The following JAKMIP3 variants were observed in gnomAD, a reference collection of about 807,000 sequenced individuals.
JAKMIP3 encodes Janus kinase and microtubule interacting protein 3.
Under a neutral mutation model 118.5 loss-of-function variants are expected in JAKMIP3, and 58 were observed. That is an observed-to-expected ratio of 0.49 (90% CI 0.40 to 0.61). The LOEUF (loss-of-function observed/expected upper bound fraction) is 0.61, where lower values mean the gene tolerates loss of function less well. Ranked by LOEUF, JAKMIP3 falls within the 20% of genes least tolerant of loss-of-function variation. The probability of loss-of-function intolerance (pLI) is 0.00; values close to 1 mark genes in which losing one functional copy is unlikely to be tolerated. For missense variants in JAKMIP3, 950 were observed against 1,109.0 expected, an observed-to-expected ratio of 0.86 and a Z score of 2.04; for synonymous variants, 486 against 451.2, an observed-to-expected ratio of 1.08 and a Z score of -0.98.
chr10:132,114,172 A>G (rs1402552854), intron 2 of JAKMIP3, among the ~76,000 whole-genome samples: 2 of 152,238 alleles, frequency 1.3e-5, no homozygotes, highest in Admixed American at 6.5e-5. Flanking sequence ...TACCCGACTG[A>G]TGAGAAACAA....
chr10:132,143,673 G>A (rs45609445), intron 11 of JAKMIP3: 30,284 of 152,158 alleles, frequency 0.2, 3,138 homozygotes, highest in East Asian at 0.31. Flanking sequence ...GCATCCCACA[G>A]TCTGATTCTG....
intron 1 of JAKMIP3, among the ~76,000 whole-genome samples, chr10:132,052,732 T>G (rs1366332370): frequency 3.3e-5 from 5 of 152,216 alleles, no homozygotes; most frequent in Non-Finnish European, 7.3e-5. Context: ...GTGTTCTTTT[T>G]ATTCAAATTT....
intron 23 of JAKMIP3, among the ~76,000 whole-genome samples, chr10:132,174,093 G>T (rs1199645306): frequency 2.0e-5 from 3 of 151,584 alleles, no homozygotes; most frequent in Admixed American, 2.0e-4. Context: ...TGTGCTTGTG[G>T]TGGTGTGTTT....
At chr10:132,150,857 C>T (rs1472024898) in intron 16 of JAKMIP3, among the ~76,000 whole-genome samples, 3 of 152,094 alleles carry the variant, frequency 2.0e-5, no homozygotes, top group Admixed American at 1.3e-4. Flanking sequence ...CTCCATAATC[C>T]ATCTATCCAT....
At chr10:132,159,595 C>CCTCTTCCTGTGTG (rs2057670349) in intron 19 of JAKMIP3, among the ~76,000 whole-genome samples, 4 of 75,254 alleles carry the variant, frequency 5.3e-5, no homozygotes, top group Non-Finnish European at 2.6e-5. Flanking sequence ...ATGCTGGGGG[C>CCTCTTCCTGTGTG]ATGTCTTCCT....
intron 1 of JAKMIP3, among the ~76,000 whole-genome samples, chr10:132,074,354 A>AT (rs1349881304): frequency 2.6e-5 from 4 of 152,204 alleles, no homozygotes; most frequent in East Asian, 1.9e-4. Flanking sequence ...ACCTGGCCCC[A>AT]TTTTTTGACT....
At chr10:132,072,686 C>A (rs553837215) in intron 1 of JAKMIP3, among the ~76,000 whole-genome samples, 1 of 152,274 alleles carries the variant, frequency 6.6e-6, no homozygotes, top group South Asian at 2.1e-4. Context: ...TTCTTGCCTT[C>A]TTTGTATTAA....
intron 16 of JAKMIP3, among the ~76,000 whole-genome samples, chr10:132,152,331 G>C (rs1363687895): frequency 6.6e-6 from 1 of 152,208 alleles, no homozygotes; most frequent in African/African-American, 2.4e-5. Flanking sequence ...GAGGCCCCAC[G>C]AGCTGGAGTC....
chr10:132,049,208 AC>A lies in JAKMIP3; in HGVS notation c.-138+12472del, dbSNP rs143835690. Among the ~76,000 whole-genome samples, 2,261 of 152,116 alleles carry A rather than the reference AC, an allele frequency of 0.015. 59 individuals carry two copies. The highest frequency in any genetic ancestry group is 0.051 in the African/African-American group (2,117 of 41,486). On this transcript the variant is annotated intron_variant, in intron 1 of 23. Coordinates refer to the JAKMIP3 transcript ENST00000657785. This position sits in a 1 kb window ranked among gnomAD's most constrained non-coding sequence, Gnocchi z 4.3. Reference sequence around the variant, plus strand: ...TTCTAGCGGCTGGCGAGCTCTTTGCACCGTGGATTCGGGTCTGTTTCTATGT... The same window carrying A: ...TTCTAGCGGCTGGCGAGCTCTTTGCACGTGGATTCGGGTCTGTTTCTATGT...
At chr10:132,071,835 C>CTTT (rs1589747030) in intron 1 of JAKMIP3, among the ~76,000 whole-genome samples, 7 of 25,166 alleles carry the variant, frequency 2.8e-4, no homozygotes, top group South Asian at 1.7e-3. Context: ...TCCTTTCTTC[C>CTTT]CTTTCCTTTC....
intron 1 of JAKMIP3, among the ~76,000 whole-genome samples, chr10:132,068,900 C>T (rs537754492): frequency 2.0e-5 from 3 of 152,186 alleles, no homozygotes; most frequent in Non-Finnish European, 2.9e-5. Flanking sequence ...CCAGAAAAAC[C>T]GGGCCTCAAA....
chr10:132,045,325 T>C (rs1040060956), intron 1 of JAKMIP3, among the ~76,000 whole-genome samples: 2 of 152,178 alleles, frequency 1.3e-5, no homozygotes, highest in Admixed American at 6.5e-5. Context: ...GCTTCTCCCT[T>C]CTTCCTGATG....
rs1589807567 is a variant in JAKMIP3 at position 132,099,701 on chromosome 10, G to A, written c.-137-4971G>A. ...TAAGACGCCAAGTGCTTTAATGCATGTCCTGATTGTGTCAATGAATCAACT... is the reference window on the plus strand; with the variant it reads ...TAAGACGCCAAGTGCTTTAATGCATATCCTGATTGTGTCAATGAATCAACT... On this transcript the variant is annotated intron_variant, in intron 1 of 23. Coordinates refer to ENST00000684848, the MANE Select transcript of JAKMIP3 (RefSeq NM_001323087.2). Among the ~76,000 whole-genome samples, 5 of 152,188 alleles carry A rather than the reference G, an allele frequency of 3.3e-5. No individual in the cohort carries two copies. In the South Asian group the frequency reaches 8.3e-4, roughly 25 times the overall value.
At chr10:132,137,758 C>A (rs2052128851) in intron 8 of JAKMIP3, among the ~76,000 whole-genome samples, 1 of 152,248 alleles carries the variant, frequency 6.6e-6, no homozygotes, top group South Asian at 2.1e-4. Context: ...GTGGACGCCA[C>A]CCCTGCAGGG....
chr10:132,146,000 G>A (rs554771622), intron 13 of JAKMIP3, among the ~76,000 whole-genome samples: 14 of 152,264 alleles, frequency 9.2e-5, no homozygotes, highest in Non-Finnish European at 1.9e-4. Context: ...TGAAGTCCTC[G>A]GGGAAGAGCC....
intron 1 of JAKMIP3, among the ~76,000 whole-genome samples, chr10:132,100,429 G>T (rs79628513): frequency 1.6e-5 from 2 of 123,480 alleles, no homozygotes; most frequent in African/African-American, 5.8e-5. Flanking sequence ...CTCTCCAGTC[G>T]CCCCGTCTGC....
chr10:132,057,169 G>T (rs531871751), intron 1 of JAKMIP3, among the ~76,000 whole-genome samples: 32 of 152,318 alleles, frequency 2.1e-4, no homozygotes, highest in African/African-American at 7.5e-4. Flanking sequence ...GTCAGCCCCA[G>T]AGGCTGTGCT....
At chr10:132,058,165 C>T (rs544110417) in intron 1 of JAKMIP3, among the ~76,000 whole-genome samples, 58 of 152,330 alleles carry the variant, frequency 3.8e-4, no homozygotes, top group African/African-American at 1.3e-3. Context: ...GAGGTCAACA[C>T]CTTGGGGCCC....
At chr10:132,142,252 G>A (rs1175145317) in intron 11 of JAKMIP3, among the ~76,000 whole-genome samples, 1 of 152,188 alleles carries the variant, frequency 6.6e-6, no homozygotes, top group East Asian at 1.9e-4. Context: ...GGCCCAGGTG[G>A]GAGGGACTGG....
Sources: gnomAD v4.1 joint callset for allele counts (sites outside exome capture counted in the v4.1 genomes callset) on GRCh38, gnomAD v4.1.1 for gene constraint, Gnocchi (gnomAD v3.1) non-coding constraint, MANE v1.5 for transcripts, NCBI Gene and HGNC (gene_info 2026-07-23, HGNC 2026-07-21) for gene names.